Variants in CASP10 observed in about 807,000 individuals in gnomAD.
The protein encoded by CASP10 is caspase-10.
In CASP10, 41 loss-of-function variants were observed where a neutral mutation model predicts 48.5. That is an observed-to-expected ratio of 0.85 (90% CI 0.66 to 1.10). The LOEUF (loss-of-function observed/expected upper bound fraction) is 1.10, where lower values mean the gene tolerates loss of function less well. Among genes scored for constraint, CASP10 ranks in the 50% least tolerant of loss-of-function variants. The probability of loss-of-function intolerance (pLI) is 0.00; values close to 1 mark genes in which losing one functional copy is unlikely to be tolerated. For synonymous variants in CASP10, 232 were observed against 238.4 expected, an observed-to-expected ratio of 0.97 and a Z score of 0.25; for missense variants, 614 against 614.5, an observed-to-expected ratio of 1.00 and a Z score of 0.01.
In CASP10 at chr2:201,200,317, C is replaced by G. The variant is rs964138539; in HGVS notation, c.685-3413C>G. 5 of 810,308 alleles carry G rather than the reference C, an allele frequency of 6.2e-6. No individual in the cohort carries two copies. In the African/African-American group the frequency reaches 6.8e-5, roughly 11 times the overall value. The allele number at this position is 810,308 out of a possible 1,614,324, so 50.2% of individuals were successfully genotyped here. On this transcript the variant is annotated intron_variant, in intron 5 of 9. Transcript: ENST00000286186. ...CTAGATTGAGCGTCTGCTGATGATT[C>G]TTGTGTGATCCAGCATTTACTATGT...
intron 1 of CASP10, among the ~76,000 whole-genome samples, chr2:201,183,856 C>CTTTATTTA (rs71022352): frequency 3.1e-4 from 46 of 149,442 alleles, no homozygotes; most frequent in South Asian, 1.7e-3. Context: ...GTCTTCCTTC[C>CTTTATTTA]TTTATTTATT....
chr2:201,200,523 C>T (rs1944978667), intron 5 of CASP10: 2 of 1,597,956 alleles, frequency 1.3e-6, no homozygotes, highest in African/African-American at 2.7e-5. Flanking sequence ...TTGGCAAAGG[C>T]TGGGCAAACG....
intron 7 of CASP10, 141 bp downstream of exon 7, chr2:201,206,114 C>G (rs1405931252): frequency 5.0e-6 from 3 of 603,414 alleles, no homozygotes; most frequent in Non-Finnish European, 8.8e-6. Flanking sequence ...TTGTTTCAGA[C>G]TTGTTTCTCC....
At chr2:201,200,085 G>A (rs1358927653) in intron 5 of CASP10, among the ~76,000 whole-genome samples, 1 of 152,000 alleles carries the variant, frequency 6.6e-6, no homozygotes, top group Non-Finnish European at 1.5e-5. Flanking sequence ...TCTTTCTCAG[G>A]GCATCCCATC....
intron 9 of CASP10, among the ~76,000 whole-genome samples, chr2:201,215,713 CTCA>C (rs1945548163): frequency 6.6e-6 from 1 of 152,092 alleles, no homozygotes; most frequent in Non-Finnish European, 1.5e-5. Context: ...GTTCTTTTTG[CTCA>C]GCATTGCTTT....
chr2:201,196,407 A>C (rs948047032), intron 5 of CASP10, among the ~76,000 whole-genome samples: 1 of 152,184 alleles, frequency 6.6e-6, no homozygotes, highest in Non-Finnish European at 1.5e-5. Flanking sequence ...GAGGTTTGCC[A>C]AGCATGTAGC....
At chr2:201,209,728 C>T (rs1417796233) in intron 9 of CASP10, among the ~76,000 whole-genome samples, 166 bp downstream of exon 9, 1 of 152,106 alleles carries the variant, frequency 6.6e-6, no homozygotes, top group Non-Finnish European at 1.5e-5. Flanking sequence ...TCCATCTATC[C>T]ACCCATTCAT....
In CASP10 at chr2:201,219,099, A is replaced by G. The variant is rs2126063713; in HGVS notation, c.*1358A>G. 3.7e-6 allele frequency: 2 copies of G among 546,444 alleles called. No homozygotes were observed. Among genetic ancestry groups the G allele is most frequent in the Non-Finnish European group, 4.7e-6 (2 of 428,962 alleles). 33.8% of individuals were successfully genotyped at this position (546,444 alleles called of 1,614,324 possible). A position where few individuals can be genotyped will look rare whatever the true frequency, so the allele number is the denominator to read the frequency against. ...AGCCTGGCCAATACGGCAAAACCTCATCATTACTAAAAACACAAAAATTAG... is the reference window on the plus strand; with the variant it reads ...AGCCTGGCCAATACGGCAAAACCTCGTCATTACTAAAAACACAAAAATTAG... On this transcript the variant is annotated 3_prime_UTR_variant, in exon 10 of 10. Transcript: ENST00000286186.
chr2:201,190,629 G>T (rs1944575957), intron 3 of CASP10, among the ~76,000 whole-genome samples: 1 of 152,078 alleles, frequency 6.6e-6, no homozygotes, highest in Non-Finnish European at 1.5e-5. Flanking sequence ...TACATAAAAT[G>T]AGACCACTTT....
chr2:201,220,907 AT>A lies in CASP10; in HGVS notation c.*3170del. ...CTGGAGATCAAAGCCCTGCATTTCC[AT>A]TTTGTCCTGATTCCTTTGCTCAGAG... On this transcript the variant is annotated 3_prime_UTR_variant, in exon 10 of 10. Transcript: ENST00000286186. The A allele has an allele frequency of 1.0e-6, 1 of 985,454 alleles. No homozygotes were observed. Among genetic ancestry groups the A allele is most frequent in the South Asian group, 4.7e-5 (1 of 21,286 alleles). 61.0% of individuals were successfully genotyped at this position (985,454 alleles called of 1,614,324 possible). A position where few individuals can be genotyped will look rare whatever the true frequency, so the allele number is the denominator to read the frequency against.
In CASP10 at chr2:201,219,196, G is replaced by T; in HGVS notation, c.*1455G>T. ...GAGACAGGAGAATCTCTTGAATCCA[G>T]GAGGCAGAGGCTGTGGTGAGCCAAG... On this transcript the variant is annotated 3_prime_UTR_variant, in exon 10 of 10. Coordinates refer to ENST00000286186, the MANE Select transcript of CASP10 (RefSeq NM_032977.4). 1 of 189,572 alleles carries T rather than the reference G, an allele frequency of 5.3e-6. No homozygotes were observed. Among genetic ancestry groups the T allele is most frequent in the Non-Finnish European group, 9.8e-6 (1 of 102,226 alleles). 11.7% of individuals were successfully genotyped at this position (189,572 alleles called of 1,614,324 possible).
intron 6 of CASP10, among the ~76,000 whole-genome samples, chr2:201,204,750 A>G (rs1945141986): frequency 6.6e-6 from 1 of 152,114 alleles, no homozygotes; most frequent in Non-Finnish European, 1.5e-5. Flanking sequence ...TGACTGCTTC[A>G]CCCCTCTGAA....
At chr2:201,203,058 G>A (rs890526847) in intron 5 of CASP10, among the ~76,000 whole-genome samples, 7 of 152,114 alleles carry the variant, frequency 4.6e-5, no homozygotes, top group African/African-American at 1.4e-4. Flanking sequence ...CCATATGACA[G>A]CATCCCCTGG....
At chr2:201,223,050 C>A (rs1219536212), downstream of CASP10, among the ~76,000 whole-genome samples, 2 of 152,122 alleles carry the variant, frequency 1.3e-5, no homozygotes, top group African/African-American at 4.8e-5. Flanking sequence ...TGCTTTAATT[C>A]TTTTTGGTGA....
intron 9 of CASP10, among the ~76,000 whole-genome samples, chr2:201,209,873 C>T (rs1945339955): frequency 6.6e-6 from 1 of 152,156 alleles, no homozygotes; most frequent in African/African-American, 2.4e-5. Flanking sequence ...AGACAGAGTC[C>T]TTGCCCTCAG....
chr2:201,210,383 T>C (rs373316973), intron 9 of CASP10, among the ~76,000 whole-genome samples: 2 of 152,224 alleles, frequency 1.3e-5, no homozygotes, highest in East Asian at 3.8e-4. Context: ...ACCTGATATA[T>C]TGTGAGCTTG....
rs1945700128 is a variant in CASP10 at position 201,220,690 on chromosome 2, T to G, written c.*2949T>G. On this transcript the variant is annotated 3_prime_UTR_variant, in exon 10 of 10. Coordinates refer to ENST00000286186, the MANE Select transcript of CASP10 (RefSeq NM_032977.4). ...GTTTTCTCTAAAATAAACCTGTCCT[T>G]GGCTGTCAAGCCACCTTTCATGTTT... 1.0e-6 allele frequency: 1 copy of G among 961,424 alleles called. No homozygotes were observed. Among genetic ancestry groups the G allele is most frequent in the Non-Finnish European group, 1.2e-6 (1 of 808,034 alleles). 59.6% of individuals were successfully genotyped at this position (961,424 alleles called of 1,614,324 possible).
At chr2:201,228,821 A>G in intron 9 of CASP10, 1 of 841,934 alleles carries the variant, frequency 1.2e-6, no homozygotes, top group Non-Finnish European at 2.0e-6. Context: ...CCAGGAATTG[A>G]AAGTACAGCT....
rs772487302 is a variant in CASP10, at chr2:201,195,968, G to C, written c.684+20G>C. 1.8e-5 allele frequency: 27 copies of C among 1,540,524 alleles called. No individual in the cohort carries two copies. Among genetic ancestry groups the C allele is most frequent in the Non-Finnish European group, 2.3e-5 (26 of 1,113,662 alleles). ...TTACCGGTAGGTTCAGTGGTGTGCT[G>C]GTCAATGCTTAACAACCGGCTCCAC... On this transcript the variant is annotated intron_variant, in intron 5 of 9. Transcript: ENST00000286186.
Sources: gnomAD v4.1 joint callset for allele counts (sites outside exome capture counted in the v4.1 genomes callset) on GRCh38, gnomAD v4.1.1 for gene constraint, MANE v1.5 for transcripts, NCBI Gene and HGNC (gene_info 2026-07-23, HGNC 2026-07-21) for gene names.